DYNC1I1: variants seen among roughly 807,000 people sequenced by gnomAD.
DYNC1I1 encodes the protein dynein cytoplasmic 1 intermediate chain 1, also known as cytoplasmic dynein 1 intermediate chain 1.
DYNC1I1 carries 43 observed loss-of-function variants against 86.6 expected under a neutral mutation model. The ratio of observed to expected loss-of-function variants is 0.50; its 90% confidence interval spans 0.39 to 0.64. DYNC1I1 has a LOEUF of 0.64. Among genes scored for constraint, DYNC1I1 ranks in the 30% least tolerant of loss-of-function variants. The pLI is 0.00. For synonymous variants in DYNC1I1, 262 were observed against 283.7 expected, an observed-to-expected ratio of 0.92 and a Z score of 0.77; for missense variants, 604 against 788.8, an observed-to-expected ratio of 0.77 and a Z score of 2.81.
chr7:95,868,661 CAA>C (rs1198681719), intron 5 of DYNC1I1, among the ~76,000 whole-genome samples: 1 of 151,604 alleles, frequency 6.6e-6, no homozygotes, highest in Admixed American at 6.6e-5. Flanking sequence ...ATACTAAAAA[CAA>C]TGTTCCAGAA....
At chr7:95,912,676 A>T (rs985382865) in intron 6 of DYNC1I1, among the ~76,000 whole-genome samples, 1 of 152,140 alleles carries the variant, frequency 6.6e-6, no homozygotes, top group African/African-American at 2.4e-5. Flanking sequence ...TTTGACCAAC[A>T]TGCCAGGCAG....
At chr7:95,952,557 C>G (rs954296524) in intron 6 of DYNC1I1, among the ~76,000 whole-genome samples, 2 of 152,130 alleles carry the variant, frequency 1.3e-5, no homozygotes, top group African/African-American at 4.8e-5. Flanking sequence ...ACTTCCTGAC[C>G]TGGAGGTTCT....
chr7:96,032,908 G>T, intron 12 of DYNC1I1, 128 bp downstream of exon 12: 1 of 696,074 alleles, frequency 1.4e-6, no homozygotes, highest in Non-Finnish European at 2.4e-6. Flanking sequence ...GCACTTGAAA[G>T]AGTGGGGCCT....
intron 6 of DYNC1I1, among the ~76,000 whole-genome samples, chr7:95,916,201 T>C (rs1225984503): frequency 6.6e-6 from 1 of 152,224 alleles, no homozygotes; most frequent in African/African-American, 2.4e-5. Flanking sequence ...AAATTATCTT[T>C]CTCAAGTATA....
At chr7:95,862,511 T>C (rs571872957) in intron 5 of DYNC1I1, among the ~76,000 whole-genome samples, 74 of 152,302 alleles carry the variant, frequency 4.9e-4, no homozygotes, top group African/African-American at 1.6e-3. Flanking sequence ...GAGATATCAC[T>C]TCATATTCAC....
chr7:95,822,664 A>C (rs926819947), intron 4 of DYNC1I1, among the ~76,000 whole-genome samples: 1 of 152,188 alleles, frequency 6.6e-6, no homozygotes, highest in Non-Finnish European at 1.5e-5. Context: ...TAGGGCTCCT[A>C]TGAAACAGAG....
intron 16 of DYNC1I1, among the ~76,000 whole-genome samples, chr7:96,083,168 A>G (rs1181742565): frequency 6.6e-6 from 1 of 152,206 alleles, no homozygotes; most frequent in African/African-American, 2.4e-5. Context: ...ATGACCGAAA[A>G]TCAGGATAAG....
At chr7:95,987,292 T>G in intron 9 of DYNC1I1, 137 bp downstream of exon 9, 1 of 733,196 alleles carries the variant, frequency 1.4e-6, no homozygotes, top group East Asian at 2.5e-5. Flanking sequence ...TTTATTGAGG[T>G]TTCAGTTTCA....
chr7:95,842,595 C>A (rs1421824245), intron 5 of DYNC1I1, among the ~76,000 whole-genome samples: 2 of 152,070 alleles, frequency 1.3e-5, no homozygotes, highest in African/African-American at 4.8e-5. Context: ...GTGAAAGAGC[C>A]AGGATGGAGT....
At chr7:95,873,965 A>G (rs1038372640) in intron 6 of DYNC1I1, among the ~76,000 whole-genome samples, 59 of 152,352 alleles carry the variant, frequency 3.9e-4, no homozygotes, top group African/African-American at 1.4e-3. Flanking sequence ...ACATTTTTGT[A>G]GATACTTATC....
At chr7:96,013,830 G>T (rs546710472) in intron 10 of DYNC1I1, among the ~76,000 whole-genome samples, 2 of 152,288 alleles carry the variant, frequency 1.3e-5, no homozygotes, top group African/African-American at 2.4e-5. Flanking sequence ...AGAGAGAAGA[G>T]AAGCCCATCT....
chr7:95,956,901 A>G (rs1284526182), intron 6 of DYNC1I1, among the ~76,000 whole-genome samples: 1 of 152,192 alleles, frequency 6.6e-6, no homozygotes, highest in Admixed American at 6.5e-5. Flanking sequence ...AGTTAAAAAC[A>G]TAGTTAATAA....
In DYNC1I1 at chr7:96,006,886, A is replaced by G. The variant is rs553756916; in HGVS notation, c.969+10813A>G. Among the ~76,000 whole-genome samples the G allele has an allele frequency of 2.6e-5, 4 of 152,334 alleles. No homozygotes were observed. In the South Asian group the frequency reaches 8.3e-4, roughly 32 times the overall value. ...CTGGGACCTGCCTGCTTTAATGAAG[A>G]GATAAGAATATTTGGTTGGTTGTGT... On this transcript the variant is annotated intron_variant, in intron 10 of 16. Transcript: ENST00000447467.
At chr7:95,930,520 A>C (rs1791863997) in intron 6 of DYNC1I1, among the ~76,000 whole-genome samples, 1 of 152,192 alleles carries the variant, frequency 6.6e-6, no homozygotes, top group South Asian at 2.1e-4. Flanking sequence ...AAAGTGTCTA[A>C]GGTGGAGGGA....
At chr7:96,102,920 C>T (rs1353953986), downstream of DYNC1I1, among the ~76,000 whole-genome samples, 1 of 152,126 alleles carries the variant, frequency 6.6e-6, no homozygotes, top group Non-Finnish European at 1.5e-5. Context: ...TCCATACAAC[C>T]AATTATAAGT....
chr7:95,827,461 A>T (rs147876930), intron 4 of DYNC1I1, among the ~76,000 whole-genome samples: 48 of 152,346 alleles, frequency 3.2e-4, no homozygotes, highest in African/African-American at 1.1e-3. Flanking sequence ...ATAAGATATA[A>T]TCAATCCCTG....
chr7:96,048,601 A>G (rs1789292072), intron 14 of DYNC1I1, among the ~76,000 whole-genome samples: 1 of 152,152 alleles, frequency 6.6e-6, no homozygotes, highest in South Asian at 2.1e-4. Flanking sequence ...CATGCCCTAA[A>G]CCACCGTAAA....
intron 5 of DYNC1I1, among the ~76,000 whole-genome samples, chr7:95,844,931 A>G (rs1217723910): frequency 3.9e-5 from 6 of 152,166 alleles, no homozygotes; most frequent in African/African-American, 1.4e-4. Flanking sequence ...ATGACCTTTC[A>G]TTAGTTTATA....
rs191087725 is a variant in DYNC1I1, at chr7:96,004,897, A to G, written c.969+8824A>G. Among the ~76,000 whole-genome samples, 205 of 152,348 alleles carry G rather than the reference A, an allele frequency of 1.3e-3. 1 individual carries two copies. Among genetic ancestry groups the G allele is most frequent in the African/African-American group, 4.6e-3 (192 of 41,588 alleles). ...AGAATTCATAGTTAATTCAGTAGATAAAATAATGCAAATTTGAAACCCTAT... is the reference window on the plus strand; with the variant it reads ...AGAATTCATAGTTAATTCAGTAGATGAAATAATGCAAATTTGAAACCCTAT... On this transcript the variant is annotated intron_variant, in intron 10 of 16. Coordinates refer to ENST00000447467, the MANE Select transcript of DYNC1I1 (RefSeq NM_001135556.2).
Sources: allele counts gnomAD v4.1 joint callset (sites outside exome capture counted in the v4.1 genomes callset), GRCh38; gene constraint gnomAD v4.1.1; transcripts MANE v1.5; gene names NCBI Gene and HGNC (gene_info 2026-07-23, HGNC 2026-07-21).